The following MGST1 variants were observed in gnomAD, a reference collection of about 807,000 sequenced individuals.
MGST1 encodes microsomal glutathione S-transferase 1.
MGST1 carries 5 observed loss-of-function variants against 8.9 expected under a neutral mutation model. That is an observed-to-expected ratio of 0.56 (90% confidence interval 0.29 to 1.19). MGST1 has a LOEUF of 1.19. Among genes scored for constraint, MGST1 ranks in the 50% most tolerant of loss-of-function variants. The probability of loss-of-function intolerance (pLI) is 0.08; values close to 1 mark genes in which losing one functional copy is unlikely to be tolerated. For missense variants in MGST1, 182 were observed against 187.4 expected (o/e 0.97, Z 0.17); for synonymous variants, 54 against 67.8 (o/e 0.80, Z 1.00).
intron 4 of MGST1, among the ~76,000 whole-genome samples, chr12:16,453,796 T>C (rs1035534448): frequency 1.3e-5 from 2 of 151,472 alleles, no homozygotes; most frequent in Non-Finnish European, 2.9e-5. Flanking sequence ...ATTTTCCCCA[T>C]GTGCGTGTCT....
chr12:16,427,727 A>C (rs1159567728), intron 1 of MGST1, among the ~76,000 whole-genome samples: 1 of 152,178 alleles, frequency 6.6e-6, no homozygotes, highest in African/African-American at 2.4e-5. Flanking sequence ...AAGGAATATG[A>C]CTTGATACTG....
At chr12:16,592,755 A>G (rs1216924918), downstream of MGST1, among the ~76,000 whole-genome samples, 1 of 151,934 alleles carries the variant, frequency 6.6e-6, no homozygotes, top group Admixed American at 6.6e-5. Flanking sequence ...TTTTTGGTGA[A>G]ATGTGAGCAG....
intron 4 of MGST1, among the ~76,000 whole-genome samples, chr12:16,569,508 C>G (rs1316147847): frequency 6.6e-6 from 1 of 152,132 alleles, no homozygotes. Flanking sequence ...TTTTCCAAAG[C>G]CTTACGAGCA....
chr12:16,488,308 T>TA, intron 4 of MGST1, among the ~76,000 whole-genome samples: 1 of 152,300 alleles, frequency 6.6e-6, no homozygotes, highest in East Asian at 1.9e-4. Context: ...GATAGATACT[T>TA]AGAGCATGTA....
chr12:16,448,025 G>A (rs866248851), intron 4 of MGST1, among the ~76,000 whole-genome samples: 3 of 151,842 alleles, frequency 2.0e-5, no homozygotes, highest in African/African-American at 4.8e-5. Flanking sequence ...ATCTATGTAT[G>A]GTAGTAGTTG....
chr12:16,358,779 CTTTTTTTTTTTTTTT>C (rs35081887), intron 3 of MGST1, among the ~76,000 whole-genome samples: 12 of 57,582 alleles, frequency 2.1e-4, no homozygotes, highest in South Asian at 2.1e-3. Flanking sequence ...AAATTCATTC[CTTTTTTTTTTTTTTT>C]TTTTTTTTTT....
downstream of MGST1, among the ~76,000 whole-genome samples, chr12:16,441,429 C>T (rs1053564778): frequency 2.0e-5 from 3 of 151,824 alleles, no homozygotes; most frequent in African/African-American, 7.3e-5. Flanking sequence ...GATATCTATC[C>T]ACTATTATGG....
chr12:16,439,017 C>T (rs1289589810), downstream of MGST1, among the ~76,000 whole-genome samples: 4 of 151,232 alleles, frequency 2.6e-5, no homozygotes, highest in Admixed American at 2.6e-4. Context: ...ATGTATAGCT[C>T]AAAGAGTCTG....
In MGST1 at chr12:16,399,626, T is replaced by G. The variant is rs894057550; in HGVS notation, n.778+16022T>G. The G allele has an allele frequency of 5.0e-6, 8 of 1,608,508 alleles. No homozygotes were observed. The South Asian group carries it at 7.7e-5, about 15-fold the overall frequency. ...CAATTTCAGACTCTGAATCCCCTTC[T>G]TCAGCATCACTCCCCTCATCGTCAG... On this transcript the variant is annotated intron_variant and non_coding_transcript_variant, in intron 1 of 1. Coordinates refer to the MGST1 transcript ENST00000359720.
At chr12:16,430,698 C>T (rs375312200) in intron 1 of MGST1, among the ~76,000 whole-genome samples, 2 of 151,992 alleles carry the variant, frequency 1.3e-5, no homozygotes, top group African/African-American at 2.4e-5. Context: ...TACCATTCAG[C>T]CTTCATTGTT....
rs900767257 is a variant in MGST1 at position 16,364,157 on chromosome 12, G to T, written c.*116G>T. On this transcript the variant is annotated 3_prime_UTR_variant, in exon 4 of 4. Coordinates refer to ENST00000396210, the MANE Select transcript of MGST1 (RefSeq NM_020300.5). This position sits in a 1 kb window ranked among gnomAD's most constrained non-coding sequence, Gnocchi z 5.7. ...GGGGAGCAGAGGAATTATGAACTGG[G>T]GTAAACCCATTTTGAATATTAGCAT... is the stretch of plus-strand genomic sequence containing the variant. 3.6e-6 allele frequency: 5 copies of T among 1,394,176 alleles called. No homozygotes were observed. The South Asian group carries it at 9.3e-5, about 26-fold the overall frequency. The allele number at this position is 1,394,176 out of a possible 1,614,324, so 86.4% of individuals were successfully genotyped here.
At chr12:16,395,790 T>TACACACACACACAC (rs1223679635) in intron 1 of MGST1, among the ~76,000 whole-genome samples, 77 of 123,652 alleles carry the variant, frequency 6.2e-4, no homozygotes, top group East Asian at 6.1e-3. Flanking sequence ...CATATATATA[T>TACACACACACACAC]ATATATATAT....
At chr12:16,356,738 TC>T (rs1276240348) in intron 2 of MGST1, among the ~76,000 whole-genome samples, 22 of 152,188 alleles carry the variant, frequency 1.4e-4, no homozygotes, top group Non-Finnish European at 1.2e-4. Context: ...CAATTCAGCT[TC>T]TCAAATTTCA....
chr12:16,432,731 C>CACAGAGAGAG (rs775306657), intron 1 of MGST1, among the ~76,000 whole-genome samples: 153 of 132,736 alleles, frequency 1.2e-3, no homozygotes, highest in Middle Eastern at 7.8e-3. Context: ...CACACACACA[C>CACAGAGAGAG]AGAGAGAGAG....
intron 1 of MGST1, among the ~76,000 whole-genome samples, chr12:16,424,993 A>G (rs528076895): frequency 3.9e-5 from 6 of 152,312 alleles, no homozygotes; most frequent in African/African-American, 1.4e-4. Context: ...GAATCAATCT[A>G]TAGGAAGGAA....
chr12:16,493,076 G>C (rs1267302077), intron 4 of MGST1, among the ~76,000 whole-genome samples: 1 of 152,162 alleles, frequency 6.6e-6, no homozygotes, highest in Non-Finnish European at 1.5e-5. Flanking sequence ...TTTCTTTGCA[G>C]AGAATAGGGC....
At chr12:16,391,351 G>A (rs2111162) in intron 1 of MGST1, among the ~76,000 whole-genome samples, 56,136 of 144,740 alleles carry the variant, frequency 0.39, 10,834 homozygotes, top group East Asian at 0.5. Flanking sequence ...GGTGTGTGAT[G>A]TTCCCCTCCC....
chr12:16,552,216 C>T (rs1224853984), intron 4 of MGST1, among the ~76,000 whole-genome samples: 1 of 151,950 alleles, frequency 6.6e-6, no homozygotes, highest in African/African-American at 2.4e-5. Flanking sequence ...AATAAAGTAA[C>T]TCTGGGGAGA....
intron 4 of MGST1, among the ~76,000 whole-genome samples, chr12:16,454,168 C>T (rs1351940619): frequency 6.6e-6 from 1 of 151,834 alleles, no homozygotes; most frequent in Non-Finnish European, 1.5e-5. Context: ...TTGCTAAGTT[C>T]AAACACAATA....
Sources: gnomAD v4.1 joint callset for allele counts (sites outside exome capture counted in the v4.1 genomes callset) on GRCh38, gnomAD v4.1.1 for gene constraint, Gnocchi (gnomAD v3.1) non-coding constraint, MANE v1.5 for transcripts, NCBI Gene and HGNC (gene_info 2026-07-23, HGNC 2026-07-21) for gene names.